The following TG variants were observed in gnomAD, a reference collection of about 807,000 sequenced individuals.
TG encodes the protein thyroglobulin, also known as thyroid hormones.
In TG, 270 loss-of-function variants were observed where a neutral mutation model predicts 324.7. That is an observed-to-expected ratio of 0.83 (90% CI 0.75 to 0.92). TG has a LOEUF of 0.92. Among genes scored for constraint, TG ranks in the 40% least tolerant of loss-of-function variants. TG has a pLI of 0.00. For synonymous variants in TG, 1,401 were observed against 1,327.0 expected (o/e 1.06, Z -1.21); for missense variants, 3,591 against 3,456.4 (o/e 1.04, Z -0.98).
At chr8:132,908,675 G>GT (rs1284914333) in intron 18 of TG, among the ~76,000 whole-genome samples, 9 of 152,296 alleles carry the variant, frequency 5.9e-5, no homozygotes, top group African/African-American at 2.2e-4. Flanking sequence ...GGATGCAGCA[G>GT]TTAACGAGAT....
At chr8:133,028,998 A>G (rs1380023622) in intron 40 of TG, among the ~76,000 whole-genome samples, 3 of 152,126 alleles carry the variant, frequency 2.0e-5, no homozygotes, top group Non-Finnish European at 2.9e-5. Flanking sequence ...AATGAAGGCC[A>G]TGGAACCTGA....
intron 26 of TG, among the ~76,000 whole-genome samples, chr8:132,944,725 G>A (rs745566241): frequency 3.9e-5 from 6 of 152,192 alleles, no homozygotes; most frequent in Non-Finnish European, 7.3e-5. Context: ...AAGGATAATT[G>A]TTAATTGCTA....
intron 11 of TG, among the ~76,000 whole-genome samples, chr8:132,895,261 A>G (rs545955831): frequency 6.6e-6 from 1 of 152,356 alleles, no homozygotes; most frequent in South Asian, 2.1e-4. Flanking sequence ...GTCACCAAAC[A>G]GCAAGACAGT....
intron 41 of TG, among the ~76,000 whole-genome samples, chr8:133,077,006 A>G (rs1337011922): frequency 6.6e-6 from 1 of 152,172 alleles, no homozygotes; most frequent in Non-Finnish European, 1.5e-5. Context: ...GACCCATCAA[A>G]GAAACTCAAT....
chr8:132,878,565 G>A (rs945120747), intron 5 of TG, among the ~76,000 whole-genome samples: 4 of 148,452 alleles, frequency 2.7e-5, no homozygotes, highest in Admixed American at 6.7e-5. Context: ...AGCCAAGATC[G>A]CACCACTGCA....
intron 26 of TG, among the ~76,000 whole-genome samples, chr8:132,948,104 G>T (rs534231985): frequency 6.6e-6 from 1 of 152,272 alleles, no homozygotes; most frequent in African/African-American, 2.4e-5. Context: ...GTCCAAAGAC[G>T]AGGAGCTCAC....
At chr8:133,067,783 A>G (rs1207894010) in intron 41 of TG, among the ~76,000 whole-genome samples, 3 of 148,506 alleles carry the variant, frequency 2.0e-5, no homozygotes, top group African/African-American at 7.5e-5. Context: ...ATCTAGAAAG[A>G]AAGAAAGAAA....
At chr8:132,905,558 GA>G (rs149255006) in intron 16 of TG, among the ~76,000 whole-genome samples, 3,158 of 152,296 alleles carry the variant, frequency 0.021, 114 homozygotes, top group African/African-American at 0.073. Flanking sequence ...CTAATGGTGT[GA>G]AATTGTCACG....
chr8:132,929,278 C>A, intron 23 of TG, 86 bp downstream of exon 23: 1 of 973,802 alleles, frequency 1.0e-6, no homozygotes, highest in Non-Finnish European at 1.7e-6. Flanking sequence ...CAAATCAAAC[C>A]ATTAAAACTA....
chr8:132,972,030 G>A (rs1320017893), intron 33 of TG, among the ~76,000 whole-genome samples, 157 bp downstream of exon 33: 1 of 152,178 alleles, frequency 6.6e-6, no homozygotes, highest in Non-Finnish European at 1.5e-5. Flanking sequence ...AATAAATGTG[G>A]TAGCTGAGAC....
intron 29 of TG, among the ~76,000 whole-genome samples, chr8:132,965,267 G>A (rs147089932): frequency 2.0e-5 from 3 of 152,302 alleles, no homozygotes; most frequent in South Asian, 2.1e-4. Context: ...CTGGGATGGT[G>A]ACATGGTCTC....
rs1554725841 is a variant in TG at position 133,107,982 on chromosome 8, C to CTTTTCCTCTT, written c.7573-5436_7573-5435insCCTCTTTTTT. On this transcript the variant is annotated intron_variant, in intron 43 of 47. Coordinates refer to ENST00000220616, the MANE Select transcript of TG (RefSeq NM_003235.5). Reference sequence around the variant, plus strand: ...CCAGTCCTTTTTCTTTTCTTTTCTTCTTTTTTTTTTTTTTTTTTTGAGACA... The same window carrying CTTTTCCTCTT: ...CCAGTCCTTTTTCTTTTCTTTTCTTCTTTTCCTCTTTTTTTTTTTTTTTTTTTTTGAGACA... 3.5e-3 allele frequency among the ~76,000 whole-genome samples: 472 copies of CTTTTCCTCTT among 134,066 alleles called. 32 individuals carry two copies. Among genetic ancestry groups the CTTTTCCTCTT allele is most frequent in the African/African-American group, 9.7e-3 (342 of 35,314 alleles). 88.0% of individuals were successfully genotyped at this position (134,066 alleles called of 152,430 possible).
At chr8:133,127,428 G>A (rs1232733563) in intron 45 of TG, among the ~76,000 whole-genome samples, 1 of 152,170 alleles carries the variant, frequency 6.6e-6, no homozygotes, top group African/African-American at 2.4e-5. Flanking sequence ...AGAGAGGTAA[G>A]CTTGGAGACA....
intron 34 of TG, among the ~76,000 whole-genome samples, chr8:132,977,212 A>G (rs1830273074): frequency 6.6e-6 from 1 of 152,164 alleles, no homozygotes. Context: ...TAATAGTAGG[A>G]AGTAGCCTCT....
chr8:133,071,295 A>C (rs1189300161), intron 41 of TG, among the ~76,000 whole-genome samples: 2 of 152,186 alleles, frequency 1.3e-5, no homozygotes, highest in African/African-American at 4.8e-5. Context: ...CAGAGCATTC[A>C]CATAATGTGT....
chr8:133,088,256 GCTCCTC>G (rs5895174), intron 41 of TG, among the ~76,000 whole-genome samples: 5 of 151,352 alleles, frequency 3.3e-5, no homozygotes, highest in East Asian at 3.9e-4. Flanking sequence ...CTCCCCTCCT[GCTCCTC>G]CTCCTCCTCC....
intron 41 of TG, among the ~76,000 whole-genome samples, chr8:133,092,231 C>T (rs1416342847): frequency 1.3e-5 from 2 of 152,196 alleles, no homozygotes; most frequent in Non-Finnish European, 2.9e-5. Context: ...TGTGCTTGGC[C>T]AGGCGCAGGC....
At position 133,030,911 on chromosome 8, in the gene TG, C is replaced by T. The variant is rs373705762; in HGVS notation, c.7239+888C>T. ...CAGTGTGGAGCAGAGATGAGCCAGA[C>T]TGCCCTGAACAGCTTGAGTTTTATC... On this transcript the variant is annotated intron_variant, in intron 41 of 47. Transcript: ENST00000220616. 2.0e-5 allele frequency among the ~76,000 whole-genome samples: 3 copies of T among 152,368 alleles called. No individual in the cohort carries two copies. The East Asian group carries it at 5.8e-4, about 29-fold the overall frequency.
chr8:132,956,803 G>A (rs964580335), intron 27 of TG, among the ~76,000 whole-genome samples: 2 of 152,150 alleles, frequency 1.3e-5, no homozygotes, highest in African/African-American at 4.8e-5. Flanking sequence ...CAAGGTCAAA[G>A]CCTGGGTGGG....
Sources: gnomAD v4.1 joint callset for allele counts (sites outside exome capture counted in the v4.1 genomes callset) on GRCh38, gnomAD v4.1.1 for gene constraint, MANE v1.5 for transcripts, NCBI Gene and HGNC (gene_info 2026-07-23, HGNC 2026-07-21) for gene names.